Variants in ABHD12 observed in about 807,000 individuals in gnomAD.
ABHD12 encodes the protein lysophosphatidylserine lipase ABHD12.
Under a neutral mutation model 58.3 loss-of-function variants are expected in ABHD12, and 43 were observed. The ratio of observed to expected loss-of-function variants is 0.74; its 90% CI spans 0.58 to 0.95. The LOEUF is 0.95. Ranked by LOEUF, ABHD12 falls within the 40% of genes least tolerant of loss-of-function variation. The probability of loss-of-function intolerance (pLI) is 0.00; values close to 1 mark genes in which losing one functional copy is unlikely to be tolerated. For missense variants in ABHD12, 539 were observed against 537.2 expected (o/e 1.00, Z -0.03); for synonymous variants, 219 against 211.2 (o/e 1.04, Z -0.32).
intron 1 of ABHD12, among the ~76,000 whole-genome samples, chr20:25,373,246 G>A (rs2039400): frequency 0.028 from 4,197 of 152,224 alleles, 184 homozygotes; most frequent in African/African-American, 0.091. Context: ...GCATGACAGC[G>A]TCAAAGATGT....
At chr20:25,325,797 G>C (rs187223261) in intron 2 of ABHD12, among the ~76,000 whole-genome samples, 1 of 152,140 alleles carries the variant, frequency 6.6e-6, no homozygotes, top group South Asian at 2.1e-4. Flanking sequence ...CCAGCCAGGC[G>C]TGGTGACTCA....
chr20:25,329,437 C>T (rs2089231386), intron 2 of ABHD12, among the ~76,000 whole-genome samples: 1 of 149,138 alleles, frequency 6.7e-6, no homozygotes. Context: ...CACTGTCCAC[C>T]CCCCAGTTTT....
intron 1 of ABHD12, among the ~76,000 whole-genome samples, chr20:25,345,927 G>A (rs1486351792): frequency 6.6e-6 from 1 of 152,112 alleles, no homozygotes; most frequent in East Asian, 1.9e-4. Context: ...CCAGCAGTCA[G>A]GCTCCTTGGT....
chr20:25,315,067 T>C, intron 5 of ABHD12, 97 bp from the exon 6 acceptor site: 1 of 1,279,330 alleles, frequency 7.8e-7, no homozygotes, highest in South Asian at 1.2e-5. Context: ...TTCTCTCCTC[T>C]GCCTTGTACG....
chr20:25,306,969 C>A, intron 9 of ABHD12, 54 bp from the exon 10 acceptor site: 1 of 1,329,104 alleles, frequency 7.5e-7, no homozygotes. Context: ...TATCCAGGCA[C>A]AGGTCAAGGG....
Position 25,390,572 on chromosome 20 carries a change from G to C in ABHD12, c.132C>G (p.Gly44=). The change falls in exon 1 of 13, where the codon GGC becomes GGG. Residue 44 remains glycine (G), a synonymous_variant. Coordinates refer to ENST00000339157, the MANE Select transcript of ABHD12 (RefSeq NM_001042472.3). ...CRLKQNLRLT[G]PAAAEPRCAA... is the part of the protein sequence containing the mutation. ...CGCAGCGCGGCTCAGCCGCCGCCGG[G>C]CCCGTCAGGCGTAGGTTCTGCTTCA... 6.8e-7 allele frequency: 1 copy of C among 1,471,192 alleles called. No individual in the cohort carries two copies. Among genetic ancestry groups the C allele is most frequent in the Non-Finnish European group, 9.0e-7 (1 of 1,117,042 alleles). 91.1% of individuals were successfully genotyped at this position (1,471,192 alleles called of 1,614,324 possible). A position where few individuals can be genotyped will look rare whatever the true frequency, so the allele number is the denominator to read the frequency against.
intron 2 of ABHD12, among the ~76,000 whole-genome samples, chr20:25,330,040 C>T (rs2089243046): frequency 6.6e-6 from 1 of 152,246 alleles, no homozygotes; most frequent in South Asian, 2.1e-4. Flanking sequence ...TCTGCATTTC[C>T]ATCTGAGGTA....
At chr20:25,310,703 A>C (rs2088833098) in intron 6 of ABHD12, among the ~76,000 whole-genome samples, 1 of 152,034 alleles carries the variant, frequency 6.6e-6, no homozygotes, top group Admixed American at 6.6e-5. Flanking sequence ...AGAGACAGGA[A>C]CAGAGAGGCA....
downstream of ABHD12, chr20:25,295,642 G>A: frequency 6.2e-7 from 1 of 1,614,106 alleles, no homozygotes; most frequent in Non-Finnish European, 8.5e-7. Flanking sequence ...TACATGCAGT[G>A]CCAGGCACAG....
At chr20:25,362,983 T>C (rs1194632699) in intron 1 of ABHD12, among the ~76,000 whole-genome samples, 2 of 148,260 alleles carry the variant, frequency 1.3e-5, no homozygotes, top group African/African-American at 2.5e-5. Flanking sequence ...TTTTACTTGA[T>C]TTTTTTTTTG....
chr20:25,373,180 CAGA>C (rs1243072539), intron 1 of ABHD12, among the ~76,000 whole-genome samples: 1 of 152,188 alleles, frequency 6.6e-6, no homozygotes, highest in Non-Finnish European at 1.5e-5. Context: ...CCACATTGCT[CAGA>C]AGGTGTACCT....
chr20:25,303,320 A>C, intron 11 of ABHD12: 1 of 1,424,194 alleles, frequency 7.0e-7, no homozygotes, highest in Admixed American at 2.4e-5. Flanking sequence ...AGACAGCATC[A>C]GTGGGCCCCT....
chr20:25,367,974 T>C (rs2089846388), intron 1 of ABHD12, among the ~76,000 whole-genome samples: 2 of 152,244 alleles, frequency 1.3e-5, no homozygotes, highest in African/African-American at 2.4e-5. Flanking sequence ...GAGACAGCCA[T>C]ATTGTTTTCC....
rs564948216 is a variant in ABHD12 at position 25,315,834 on chromosome 20, T to C, written c.574-864A>G. ...GCTCAGAGCTGGGTGTGCCCCCGCC[T>C]CTGTCTGTGCCCCTGCCTCTGTCTG... On this transcript the variant is annotated intron_variant, in intron 5 of 12. Coordinates refer to ENST00000339157, the MANE Select transcript of ABHD12 (RefSeq NM_001042472.3). 3.9e-5 allele frequency among the ~76,000 whole-genome samples: 6 copies of C among 152,326 alleles called. No individual in the cohort carries two copies. In the East Asian group the frequency reaches 1.2e-3, roughly 29 times the overall value.
intron 1 of ABHD12, among the ~76,000 whole-genome samples, chr20:25,370,162 G>A (rs1170408732): frequency 1.3e-5 from 2 of 152,120 alleles, no homozygotes; most frequent in African/African-American, 4.8e-5. Context: ...GCTGACTGTG[G>A]GGGGTCCCCT....
chr20:25,295,566 C>T, downstream of ABHD12: 2 of 1,590,248 alleles, frequency 1.3e-6, no homozygotes, highest in Non-Finnish European at 1.7e-6. Context: ...GGCAGGGCTC[C>T]CTGCTGCCCT....
intron 2 of ABHD12, among the ~76,000 whole-genome samples, chr20:25,323,653 G>GATA (rs2089122130): frequency 6.6e-6 from 1 of 152,180 alleles, no homozygotes; most frequent in Non-Finnish European, 1.5e-5. Flanking sequence ...GCCTCAGGCA[G>GATA]GGTATGGGCT....
At chr20:25,294,874 A>G in exon 13 of ABHD12, 1 of 1,376,206 alleles carries the variant, frequency 7.3e-7, no homozygotes, top group Non-Finnish European at 1.0e-6. Context: ...GAATCCGGCG[A>G]GGGCTGGGAA....
Position 25,303,564 on chromosome 20 carries a change from G to A in ABHD12, c.1015C>T (p.Gln339Ter), listed in dbSNP as rs868586681. ...HAEDDPVVPFQLGRKLYSIAA... is the reference protein window; with the variant it reads ...HAEDDPVVPF ...CCAGGACCCACCTTTCTGCCAAGCT[G>A]GAAGGGCACCACCGGGTCGTCCTCA... Residue 339 changes from glutamine (Q) to a stop codon, truncating the protein, a stop_gained, in exon 11 of 13, where the codon CAG becomes TAG. Coordinates refer to ENST00000339157, the MANE Select transcript of ABHD12 (RefSeq NM_001042472.3). LOFTEE classifies it high-confidence loss of function. The A allele has an allele frequency of 6.2e-7, 1 of 1,613,684 alleles. No individual in the cohort carries two copies. The highest frequency in any genetic ancestry group is 1.1e-5 in the South Asian group (1 of 91,050).
Sources: gnomAD v4.1 joint callset for allele counts (sites outside exome capture counted in the v4.1 genomes callset) on GRCh38, gnomAD v4.1.1 for gene constraint, MANE v1.5 for transcripts, NCBI Gene and HGNC (gene_info 2026-07-23, HGNC 2026-07-21) for gene names.